NSMCE2: variants seen among roughly 807,000 people sequenced by gnomAD.
NSMCE2 encodes NSE2 SUMO ligase component of SMC5/6 complex.
In NSMCE2, 24 loss-of-function variants were observed where a neutral mutation model predicts 23.8. The ratio of observed to expected loss-of-function variants is 1.01; its 90% CI spans 0.73 to 1.42. The LOEUF is 1.42. Among genes scored for constraint, NSMCE2 ranks in the 40% most tolerant of loss-of-function variants. The probability of loss-of-function intolerance (pLI) is 0.00; values close to 1 mark genes in which losing one functional copy is unlikely to be tolerated. For missense variants in NSMCE2, 284 were observed against 296.5 expected (o/e 0.96, Z 0.31); for synonymous variants, 92 against 94.1 (o/e 0.98, Z 0.13).
intron 5 of NSMCE2, among the ~76,000 whole-genome samples, chr8:125,237,450 T>C (rs1176409052): frequency 6.6e-6 from 1 of 152,154 alleles, no homozygotes; most frequent in East Asian, 1.9e-4. Flanking sequence ...ACCTGCCAGA[T>C]TGAGGCAAGC....
At chr8:125,177,751 G>A (rs989601937) in intron 4 of NSMCE2, among the ~76,000 whole-genome samples, 12 of 152,176 alleles carry the variant, frequency 7.9e-5, no homozygotes, top group Admixed American at 2.6e-4. Flanking sequence ...TTCTCTAATG[G>A]AAATTTTCTC....
intron 5 of NSMCE2, among the ~76,000 whole-genome samples, chr8:125,347,954 G>T (rs116290799): frequency 1.8e-4 from 28 of 152,182 alleles, no homozygotes; most frequent in Non-Finnish European, 3.4e-4. Context: ...GAAAATGTAC[G>T]CTGAAAGATC....
At chr8:125,113,062 G>GC (rs1281724590) in intron 3 of NSMCE2, among the ~76,000 whole-genome samples, 1 of 142,168 alleles carries the variant, frequency 7.0e-6, no homozygotes. Context: ...GAAAATGGGG[G>GC]GGGGGGTGAG....
chr8:125,126,793 A>G lies in NSMCE2; in HGVS notation c.157+24306A>G, dbSNP rs554879111. On this transcript the variant is annotated intron_variant, in intron 3 of 7. Transcript: ENST00000287437. ...ATAATATTGTAAAATAGCAGTTAAC[A>G]TCTAATAAGTATTTAACTTTGTACC... 2.2e-4 allele frequency among the ~76,000 whole-genome samples: 33 copies of G among 152,352 alleles called. No individual in the cohort carries two copies. The East Asian group carries it at 6.2e-3, about 28-fold the overall frequency.
chr8:125,141,223 C>G (rs1487265235), intron 3 of NSMCE2, among the ~76,000 whole-genome samples: 1 of 152,160 alleles, frequency 6.6e-6, no homozygotes, highest in Non-Finnish European at 1.5e-5. Flanking sequence ...GTCGTGGTCT[C>G]CATCACTCTG....
intron 4 of NSMCE2, among the ~76,000 whole-genome samples, chr8:125,169,875 C>T (rs1483325613): frequency 6.6e-6 from 1 of 152,034 alleles, no homozygotes; most frequent in Non-Finnish European, 1.5e-5. Flanking sequence ...TACACTAGCT[C>T]TTTGAATGTT....
chr8:125,307,451 T>C (rs764838539), intron 5 of NSMCE2, among the ~76,000 whole-genome samples: 4 of 152,202 alleles, frequency 2.6e-5, no homozygotes, highest in Non-Finnish European at 5.9e-5. Flanking sequence ...TTTCCATCAG[T>C]CCTGTTGAGC....
intron 5 of NSMCE2, among the ~76,000 whole-genome samples, chr8:125,216,652 G>A (rs1257644211): frequency 6.7e-6 from 1 of 148,598 alleles, no homozygotes; most frequent in East Asian, 2.0e-4. Context: ...AAAAAAAAAT[G>A]GTCTATGGGT....
chr8:125,316,063 T>C (rs561943258), intron 5 of NSMCE2, among the ~76,000 whole-genome samples: 18 of 152,262 alleles, frequency 1.2e-4, no homozygotes, highest in African/African-American at 4.1e-4. Flanking sequence ...CATCTCAGCC[T>C]CCCAAAGTGG....
chr8:125,102,340 C>T lies in NSMCE2; in HGVS notation c.10C>T (p.Arg4Cys), dbSNP rs375529741. The stretch of plus-strand genomic sequence containing the variant: ...AGGTACTAATTTCAAGATGCCAGGA[C>T]GTTCCAGTTCAAATTCAGGTTCAAC... MPG[R>C]SSSNSGSTGF... Residue 4 changes from arginine (R) to cysteine (C), a missense_variant, in exon 3 of 8, where the codon CGT (arginine) becomes TGT (cysteine). By Grantham distance (180) the Arg-to-Cys change is radical. This residue lies in a region of NSMCE2 where 182 missense variants were observed against 155.5 expected (regional missense o/e 1.17). Transcript: ENST00000287437. The T allele has an allele frequency of 3.7e-5, 59 of 1,613,134 alleles. No homozygotes were observed. The highest frequency in any genetic ancestry group is 4.3e-5 in the Non-Finnish European group (51 of 1,179,336).
chr8:125,203,520 ATTG>A (rs939256830), intron 5 of NSMCE2, among the ~76,000 whole-genome samples: 2 of 152,222 alleles, frequency 1.3e-5, no homozygotes, highest in Non-Finnish European at 1.5e-5. Flanking sequence ...TTAAATAATT[ATTG>A]TTAACAGACT....
Position 125,293,580 on chromosome 8 carries a change from G to A in NSMCE2, c.419-63639G>A, listed in dbSNP as rs563007436. ...ATTATTGTAGGGAACACAAACAGGA[G>A]GAAGGTTTAGTCATCAAGCATACTG... On this transcript the variant is annotated intron_variant, in intron 5 of 7. Coordinates refer to ENST00000287437, the MANE Select transcript of NSMCE2 (RefSeq NM_173685.4). Among the ~76,000 whole-genome samples the A allele has an allele frequency of 6.7e-5, 9 of 135,230 alleles. No homozygotes were observed. The South Asian group carries it at 2.4e-3, about 36-fold the overall frequency. The allele number at this position is 135,230 out of a possible 152,430, so 88.7% of individuals were successfully genotyped here.
intron 5 of NSMCE2, among the ~76,000 whole-genome samples, chr8:125,197,901 C>T (rs1208592590): frequency 2.6e-5 from 4 of 152,090 alleles, no homozygotes; most frequent in African/African-American, 9.7e-5. Context: ...TGAAGAGGCC[C>T]TTCACATCCC....
intron 5 of NSMCE2, among the ~76,000 whole-genome samples, chr8:125,333,502 G>GTTTTTTTTTTTTTTT (rs1308950464): frequency 1.5e-5 from 1 of 65,832 alleles, no homozygotes; most frequent in Admixed American, 2.1e-4. Flanking sequence ...TTTCCTGGTG[G>GTTTTTTTTTTTTTTT]TTCTTTTTTT....
intron 5 of NSMCE2, among the ~76,000 whole-genome samples, chr8:125,201,917 C>G (rs1240649542): frequency 6.6e-6 from 1 of 152,180 alleles, no homozygotes; most frequent in African/African-American, 2.4e-5. Flanking sequence ...CCCCACCGTC[C>G]CCCACCCCAT....
At chr8:125,364,018 A>G (rs1463986632) in intron 7 of NSMCE2, among the ~76,000 whole-genome samples, 1 of 152,048 alleles carries the variant, frequency 6.6e-6, no homozygotes, top group African/African-American at 2.4e-5. Context: ...ATCTTGGCTC[A>G]CCGCAACCCC....
intron 5 of NSMCE2, among the ~76,000 whole-genome samples, chr8:125,184,929 G>T (rs1823020039): frequency 6.6e-6 from 1 of 152,098 alleles, no homozygotes; most frequent in Non-Finnish European, 1.5e-5. Context: ...AGAAAATAGA[G>T]GCCAGAGAGA....
chr8:125,135,346 T>A (rs955108497), intron 3 of NSMCE2, among the ~76,000 whole-genome samples: 2 of 152,204 alleles, frequency 1.3e-5, no homozygotes, highest in African/African-American at 4.8e-5. Flanking sequence ...CCTCTGTGCT[T>A]GGCTCAAACA....
rs571611212 is a variant in NSMCE2 at position 125,197,112 on chromosome 8, G to A, written c.418+14856G>A. Among the ~76,000 whole-genome samples the A allele has an allele frequency of 1.2e-3, 188 of 152,202 alleles. No homozygotes were observed. In the Middle Eastern group the frequency reaches 0.014, roughly 11 times the overall value. On this transcript the variant is annotated intron_variant, in intron 5 of 7. Transcript: ENST00000287437. ...CTGGATATTAGCCCTTTATCAGATA[G>A]GTAGATTGCAAAAATATTCTCCCAT...
Sources: allele counts gnomAD v4.1 joint callset (sites outside exome capture counted in the v4.1 genomes callset), GRCh38; gene constraint gnomAD v4.1.1; regional missense constraint gnomAD v4.1.1; transcripts MANE v1.5; gene names NCBI Gene and HGNC (gene_info 2026-07-23, HGNC 2026-07-21).